CROCC: variants seen among roughly 807,000 people sequenced by gnomAD.
The protein encoded by CROCC is rootletin.
CROCC carries 180 observed loss-of-function variants against 245.2 expected under a neutral mutation model. The ratio of observed to expected loss-of-function variants is 0.73; its 90% CI spans 0.65 to 0.83. CROCC has a LOEUF of 0.83. CROCC is among the 40% of genes least tolerant of loss of function. The probability of loss-of-function intolerance (pLI) is 0.00; values close to 1 mark genes in which losing one functional copy is unlikely to be tolerated. For missense variants in CROCC, 2,688 were observed against 2,779.4 expected (o/e 0.97, Z 0.74); for synonymous variants, 1,205 against 1,241.6 (o/e 0.97, Z 0.62).
In CROCC at chr1:16,969,127, C is replaced by T. The variant is rs193120761; in HGVS notation, c.5088C>T (p.Ser1696=). 102 of 1,602,106 alleles carry T rather than the reference C, an allele frequency of 6.4e-5. No individual in the cohort carries two copies. The East Asian group carries it at 1.3e-3, about 20-fold the overall frequency. The part of the protein sequence containing the change: ...VDSLQRQVAD[S]EVKAGTLQLT... ...TGTCCTCCTGCCAGGTGGCCGACAG[C>T]GAGGTGAAGGCAGGGACCCTGCAGC... The change falls in exon 32 of 37, where the codon AGC becomes AGT. Residue 1696 remains serine (S), a synonymous_variant. Transcript: ENST00000375541.
At chr1:16,941,435 T>A (rs6660297) in intron 13 of CROCC, 8,757 of 143,962 alleles carry the variant, frequency 0.061, no homozygotes, top group African/African-American at 0.14. Context: ...AAAAAAAAAA[T>A]AATAATAATA....
chr1:16,943,930 G>A (rs1347509591), intron 13 of CROCC, among the ~76,000 whole-genome samples, 170 bp from the exon 14 acceptor site: 6 of 152,290 alleles, frequency 3.9e-5, no homozygotes, highest in Non-Finnish European at 8.8e-5. Flanking sequence ...CTGCTGGAGT[G>A]TGTGAGTGAA....
intron 1 of CROCC, among the ~76,000 whole-genome samples, chr1:16,916,685 A>AT (rs746913892): frequency 3.3e-5 from 5 of 152,246 alleles, no homozygotes; most frequent in Admixed American, 6.5e-5. Context: ...AATTTTTTTT[A>AT]TTTTTTTGGC....
chr1:16,939,211 G>GGGGCGT (rs763731433), intron 12 of CROCC, 69 bp downstream of exon 12: 32,745 of 1,222,818 alleles, frequency 0.027, 2 homozygotes, highest in African/African-American at 0.048. Context: ...CCTCCGGGTG[G>GGGGCGT]GGGCGGGGGC....
chr1:16,939,214 G>A (rs1397879847), intron 12 of CROCC, 72 bp downstream of exon 12: 105 of 1,265,780 alleles, frequency 8.3e-5, no homozygotes, highest in Non-Finnish European at 9.9e-5. Context: ...CCGGGTGGGG[G>A]CGGGGGCGGG....
chr1:16,923,673 CCT>C (rs1491546612), intron 2 of CROCC, among the ~76,000 whole-genome samples: 6 of 132,774 alleles, frequency 4.5e-5, no homozygotes, highest in African/African-American at 1.7e-4. Flanking sequence ...TACTATTCTA[CCT>C]TTTTTTTTTT....
At chr1:16,946,705 C>T (rs1269080994) in intron 16 of CROCC, 56 bp from the exon 17 acceptor site, 31 of 1,516,726 alleles carry the variant, frequency 2.0e-5, no homozygotes, top group African/African-American at 4.1e-5. Context: ...GAGGAGGCGT[C>T]CTGGTCCTGG....
chr1:16,948,631 T>C (rs1361995396), intron 18 of CROCC, 107 bp downstream of exon 18: 10 of 1,485,996 alleles, frequency 6.7e-6, no homozygotes, highest in Non-Finnish European at 8.9e-6. Flanking sequence ...CTAAGGAGTC[T>C]GGCTTGCCGA....
intron 13 of CROCC, chr1:16,940,856 G>A (rs1301719693): frequency 5.0e-6 from 2 of 403,928 alleles, no homozygotes; most frequent in Admixed American, 5.8e-5. Context: ...CCTCCCAACT[G>A]CCCCTAGTTG....
chr1:16,954,782 C>T lies in CROCC; in HGVS notation c.3370C>T (p.Arg1124Trp), dbSNP rs371156238. The change falls in exon 23 of 37, where the codon CGG (arginine) becomes TGG (tryptophan). Residue 1124 changes from arginine (R) to tryptophan (W), a missense_variant. Physicochemically the swap from Arg to Trp is moderately radical, Grantham distance 101. Around this residue, in one of 9 missense-constraint regions of CROCC, gnomAD observed 1,218 missense variants for 1,286.3 expected, o/e 0.95. Transcript: ENST00000375541. The surrounding 1 kb of genome is among the most constrained non-coding windows in gnomAD (Gnocchi z 4.4). ...TSELRDLRAQ[R>W]EEAAAAHAQE... ...TGAGCTGCGGGACCTACGGGCCCAG[C>T]GGGAGGAGGCTGCTGCGGCCCACGC... 1.8e-5 allele frequency: 28 copies of T among 1,554,076 alleles called. No individual in the cohort carries two copies. The highest frequency in any genetic ancestry group is 1.2e-4 in the African/African-American group (9 of 73,334).
At chr1:16,936,592 TG>T in intron 8 of CROCC, 44 bp from the exon 9 acceptor site, 1 of 1,506,466 alleles carries the variant, frequency 6.6e-7, no homozygotes, top group Non-Finnish European at 8.9e-7. Context: ...AATTTGTAGT[TG>T]GGAGCAAGCC....
Position 16,956,580 on chromosome 1 carries a change from C to T in CROCC, c.3864+424C>T, listed in dbSNP as rs761424. Among the ~76,000 whole-genome samples the T allele has an allele frequency of 7.3e-3, 1,107 of 152,258 alleles. 15 individuals are homozygous for T. Among genetic ancestry groups the T allele is most frequent in the African/African-American group, 0.024 (997 of 41,526 alleles). On this transcript the variant is annotated intron_variant, in intron 25 of 36. Transcript: ENST00000375541. Reference sequence around the variant, plus strand: ...TGACTCTGCTGGGGTAGTGAGAAAGCAGTCCCAAACAGTGCATGAACAGAG... The same window carrying T: ...TGACTCTGCTGGGGTAGTGAGAAAGTAGTCCCAAACAGTGCATGAACAGAG...
At chr1:16,968,443 C>A in intron 31 of CROCC, 25 bp downstream of exon 31, 2 of 1,458,850 alleles carry the variant, frequency 1.4e-6, no homozygotes, top group Non-Finnish European at 9.0e-7. Context: ...AAATCACAGC[C>A]ACAGTGTTCA....
chr1:16,971,046 T>C, intron 35 of CROCC: 1 of 450,280 alleles, frequency 2.2e-6, no homozygotes, highest in Non-Finnish European at 3.9e-6. Context: ...GTATGGAGCA[T>C]GAATCTTGTG....
chr1:16,965,959 A>T, intron 28 of CROCC, 40 bp from the exon 29 acceptor site: 4 of 1,605,104 alleles, frequency 2.5e-6, no homozygotes, highest in Non-Finnish European at 3.4e-6. Flanking sequence ...AGGGTGTCAG[A>T]GCAGGGGTCT....
intron 12 of CROCC, among the ~76,000 whole-genome samples, chr1:16,939,474 GCCAGGAC>G: frequency 1.3e-5 from 2 of 152,332 alleles, no homozygotes; most frequent in Admixed American, 1.3e-4. Flanking sequence ...GTCATACAGA[GCCAGGAC>G]CCTGGGAAAA....
At chr1:16,935,569 T>C (rs1423483425) in intron 8 of CROCC, among the ~76,000 whole-genome samples, 7 of 152,376 alleles carry the variant, frequency 4.6e-5, no homozygotes, top group East Asian at 3.9e-4. Flanking sequence ...TACAGGCGCC[T>C]GCCACCTCAC....
In CROCC at chr1:16,948,335, C is replaced by T; in HGVS notation, c.2519C>T (p.Ser840Phe). The change falls in exon 18 of 37, where the codon TCC becomes TTC. Residue 840 changes from serine (S) to phenylalanine (F), a missense_variant. Ser to Phe is a radical substitution (Grantham distance 155). This residue lies in a region of CROCC where 295 missense variants were observed against 241.7 expected (regional missense o/e 1.22). Transcript: ENST00000375541. ...CAGTCTCTGGGTGGGGGCCAGCTCT[C>T]CCGGCAGCTGAGCGGGCGGGAGCAG... is the stretch of plus-strand genomic sequence containing the variant. Reference protein sequence around the residue: ...SQLQEQLAQLSRQLSGREQEL... With the variant: ...SQLQEQLAQLFRQLSGREQEL... The T allele has an allele frequency of 1.9e-6, 3 of 1,565,824 alleles. No individual in the cohort carries two copies. The highest frequency in any genetic ancestry group is 2.6e-6 in the Non-Finnish European group (3 of 1,160,742).
rs1475564936 is a variant in CROCC, at chr1:16,954,670, G to A, written c.3322-64G>A. On this transcript the variant is annotated intron_variant, in intron 22 of 36. Transcript: ENST00000375541. This position sits in a 1 kb window ranked among gnomAD's most constrained non-coding sequence, Gnocchi z 4.4. ...TAAAAGTGGACAGTGCACTGAGCGG[G>A]TTGGGAGCAGCCCGGGGCTGGGGGA... 2.0e-6 allele frequency: 3 copies of A among 1,491,018 alleles called. No individual in the cohort carries two copies. The highest frequency in any genetic ancestry group is 2.7e-6 in the Non-Finnish European group (3 of 1,114,586). The allele number at this position is 1,491,018 out of a possible 1,614,324, so 92.4% of individuals were successfully genotyped here. A position where few individuals can be genotyped will look rare whatever the true frequency, so the allele number is the denominator to read the frequency against.
Sources: gnomAD v4.1 joint callset for allele counts (sites outside exome capture counted in the v4.1 genomes callset) on GRCh38, gnomAD v4.1.1 for gene constraint, gnomAD v4.1.1 regional missense constraint, Gnocchi (gnomAD v3.1) non-coding constraint, MANE v1.5 for transcripts, NCBI Gene and HGNC (gene_info 2026-07-23, HGNC 2026-07-21) for gene names.